RANBP17: variants seen among roughly 807,000 people sequenced by gnomAD.
RANBP17 encodes the protein ran-binding protein 17.
RANBP17 carries 158 observed loss-of-function variants against 141.2 expected under a neutral mutation model. That is an observed-to-expected ratio of 1.12 (90% CI 0.98 to 1.28). The LOEUF (loss-of-function observed/expected upper bound fraction) is 1.28. Ranked by LOEUF, RANBP17 falls within the 50% of genes most tolerant of loss-of-function variation. RANBP17 has a pLI of 0.00. For missense variants in RANBP17, 1,438 were observed against 1,290.7 expected (o/e 1.11, Z -1.75); for synonymous variants, 430 against 450.0 (o/e 0.96, Z 0.56).
intron 14 of RANBP17, among the ~76,000 whole-genome samples, chr5:171,047,588 A>T (rs2127646005): frequency 6.6e-6 from 1 of 151,416 alleles, no homozygotes; most frequent in African/African-American, 2.4e-5. Flanking sequence ...TTACAGGCGC[A>T]TGCCACCACA....
At chr5:171,152,488 A>G (rs1758562685) in intron 14 of RANBP17, among the ~76,000 whole-genome samples, 1 of 151,752 alleles carries the variant, frequency 6.6e-6, no homozygotes. Flanking sequence ...TGCACAATGT[A>G]GTCAGACAAA....
chr5:170,899,276 G>A (rs1770414557), intron 5 of RANBP17, among the ~76,000 whole-genome samples: 1 of 152,018 alleles, frequency 6.6e-6, no homozygotes, highest in Non-Finnish European at 1.5e-5. Context: ...TATTCTCTTT[G>A]TATCAATTGT....
Position 170,919,579 on chromosome 5 carries a change from A to T in RANBP17, c.1240A>T (p.Thr414Ser). Reference protein sequence around the residue: ...YAPEITKAFITSRLDSVAIVV... With the variant: ...YAPEITKAFISSRLDSVAIVV... ...ACCAGAAATCACGAAGGCCTTTATC[A>T]CTTCTCGGTTGGACTCTGTTGCCAT... Residue 414 changes from threonine (T) to serine (S), a missense_variant, in exon 11 of 28, where the codon ACT becomes TCT. By Grantham distance (58) the Thr-to-Ser change is moderately conservative (BLOSUM62 1). Coordinates refer to ENST00000523189, the MANE Select transcript of RANBP17 (RefSeq NM_022897.5). The T allele has an allele frequency of 1.2e-6, 2 of 1,604,198 alleles. No individual in the cohort carries two copies. Among genetic ancestry groups the T allele is most frequent in the Non-Finnish European group, 1.7e-6 (2 of 1,176,576 alleles).
At chr5:171,293,027 T>A (rs1768593174) in intron 25 of RANBP17, among the ~76,000 whole-genome samples, 1 of 152,188 alleles carries the variant, frequency 6.6e-6, no homozygotes, top group South Asian at 2.1e-4. Context: ...ACCCTTTGTG[T>A]GCATCCCCAC....
At chr5:171,141,428 C>T (rs920824983) in intron 14 of RANBP17, among the ~76,000 whole-genome samples, 35 of 144,914 alleles carry the variant, frequency 2.4e-4, no homozygotes, top group African/African-American at 8.9e-4. Context: ...AACCCCATCT[C>T]TACTAAAAAA....
At chr5:170,935,728 G>A (rs1168570092) in intron 12 of RANBP17, among the ~76,000 whole-genome samples, 2 of 152,154 alleles carry the variant, frequency 1.3e-5, no homozygotes, top group Non-Finnish European at 2.9e-5. Context: ...TCCCAGTTAG[G>A]CTACTCGGGA....
In RANBP17 at chr5:171,287,561, T is replaced by C. The variant is rs1175117268; in HGVS notation, c.2944-6322T>C. Among the ~76,000 whole-genome samples the C allele has an allele frequency of 2.0e-5, 3 of 149,988 alleles. No homozygotes were observed. The East Asian group carries it at 5.8e-4, about 29-fold the overall frequency. ...TGGTGCATACCCTATTGGGCACAGC[T>C]CTGATCATCCTTTTTTTTTTTTGTC... On this transcript the variant is annotated intron_variant, in intron 25 of 27. Transcript: ENST00000523189.
rs924143879 is a variant in RANBP17 at position 171,299,318 on chromosome 5, G to A, written c.*460G>A. Reference sequence around the variant, plus strand: ...TTGTTATGTGTCTGGAAGAAGCAGCGTTAGGGACTTTGGGCTGTGAGCATT... The same window carrying A: ...TTGTTATGTGTCTGGAAGAAGCAGCATTAGGGACTTTGGGCTGTGAGCATT... On this transcript the variant is annotated 3_prime_UTR_variant, in exon 28 of 28. Transcript: ENST00000523189. 1.1e-4 allele frequency: 25 copies of A among 234,200 alleles called. No homozygotes were observed. The highest frequency in any genetic ancestry group is 9.3e-5 in the Non-Finnish European group (11 of 118,472). 14.5% of individuals were successfully genotyped at this position (234,200 alleles called of 1,614,324 possible).
chr5:171,171,115 A>G (rs1279860483), intron 15 of RANBP17, 91 bp from the exon 16 acceptor site: 5 of 686,514 alleles, frequency 7.3e-6, no homozygotes, highest in Non-Finnish European at 1.3e-5. Flanking sequence ...GATTTAGGTC[A>G]TCAAACTTAC....
At chr5:170,965,349 G>T (rs77206421) in intron 13 of RANBP17, among the ~76,000 whole-genome samples, 92,265 of 150,840 alleles carry the variant, frequency 0.61, 29,560 homozygotes, top group South Asian at 0.88. Flanking sequence ...TTTGTAGGTT[G>T]CCTGTTCACT....
intron 14 of RANBP17, among the ~76,000 whole-genome samples, chr5:171,018,832 G>T (rs745889589): frequency 6.6e-6 from 1 of 152,160 alleles, no homozygotes; most frequent in Non-Finnish European, 1.5e-5. Flanking sequence ...CTTGTCTTGT[G>T]CCAGTCTTCA....
chr5:171,055,490 G>A (rs1783282154), intron 14 of RANBP17, among the ~76,000 whole-genome samples: 1 of 152,102 alleles, frequency 6.6e-6, no homozygotes. Flanking sequence ...TTTGTATAAA[G>A]TTCAGCAAGA....
At chr5:171,015,180 CTG>C (rs774933616) in intron 14 of RANBP17, among the ~76,000 whole-genome samples, 44 of 152,152 alleles carry the variant, frequency 2.9e-4, no homozygotes, top group Admixed American at 2.2e-3. Context: ...CTTCTTGAAT[CTG>C]TAAATTTTGA....
At chr5:171,148,533 A>T (rs556738788) in intron 14 of RANBP17, among the ~76,000 whole-genome samples, 4 of 152,288 alleles carry the variant, frequency 2.6e-5, no homozygotes. Context: ...ATGCTATCAG[A>T]TACTTGTAAA....
chr5:170,911,414 AACTTTCAG>A (rs1473577467), intron 7 of RANBP17: 3 of 587,042 alleles, frequency 5.1e-6, no homozygotes, highest in Non-Finnish European at 9.2e-6. Context: ...TATGATTTGA[AACTTTCAG>A]ACTTTCAGAT....
intron 14 of RANBP17, among the ~76,000 whole-genome samples, chr5:171,006,858 G>A (rs1414753062): frequency 7.2e-5 from 11 of 152,014 alleles, no homozygotes; most frequent in Non-Finnish European, 1.3e-4. Context: ...TCGTCTTTAC[G>A]TTGGGTATTT....
chr5:171,225,085 TA>T (rs996720321), intron 22 of RANBP17, among the ~76,000 whole-genome samples: 9 of 152,184 alleles, frequency 5.9e-5, no homozygotes, highest in African/African-American at 2.2e-4. Flanking sequence ...TCACAGAGGT[TA>T]AAAAAAATTG....
At chr5:171,186,526 C>CTTTTTTTTCTTTTTTTTTT (rs1761250919) in intron 18 of RANBP17, among the ~76,000 whole-genome samples, 1 of 41,650 alleles carries the variant, frequency 2.4e-5, no homozygotes, top group Non-Finnish European at 4.2e-5. Context: ...GTATGATTTT[C>CTTTTTTTTCTTTTTTTTTT]TTTTTTTTTT....
At chr5:170,930,710 T>G (rs1773299852) in intron 12 of RANBP17, among the ~76,000 whole-genome samples, 1 of 152,186 alleles carries the variant, frequency 6.6e-6, no homozygotes, top group African/African-American at 2.4e-5. Flanking sequence ...GGTTTCCAGC[T>G]TCATCCATGT....
Sources: gnomAD v4.1 joint callset for allele counts (sites outside exome capture counted in the v4.1 genomes callset) on GRCh38, gnomAD v4.1.1 for gene constraint, MANE v1.5 for transcripts, NCBI Gene and HGNC (gene_info 2026-07-23, HGNC 2026-07-21) for gene names.